DLG2: variants seen among roughly 807,000 people sequenced by gnomAD.
DLG2 encodes disks large homolog 2.
A neutral mutation model predicts 132.5 loss-of-function variants in DLG2; 45 were observed. The ratio of observed to expected loss-of-function variants is 0.34; its 90% CI spans 0.27 to 0.44. The LOEUF (loss-of-function observed/expected upper bound fraction) is 0.44, where lower values mean the gene tolerates loss of function less well. Ranked by LOEUF, DLG2 falls within the 20% of genes least tolerant of loss-of-function variation. The pLI, the probability that DLG2 is intolerant of heterozygous loss-of-function variation, is 1.00. For synonymous variants in DLG2, 424 were observed against 419.6 expected, an observed-to-expected ratio of 1.01 and a Z score of -0.13; for missense variants, 1,045 against 1,196.9, an observed-to-expected ratio of 0.87 and a Z score of 1.87.
intron 7 of DLG2, among the ~76,000 whole-genome samples, chr11:84,315,091 G>A (rs565950266): frequency 6.6e-6 from 1 of 152,246 alleles, no homozygotes; most frequent in Middle Eastern, 3.4e-3. Flanking sequence ...AGAATAAGGA[G>A]AGATGGTGGC....
In DLG2 at chr11:84,805,328, G is replaced by A. The variant is rs116872241; in HGVS notation, c.358-270597C>T. Among the ~76,000 whole-genome samples the A allele has an allele frequency of 4.1e-3, 619 of 152,064 alleles. 12 individuals are homozygous for A. Among genetic ancestry groups the A allele is most frequent in the Admixed American group, 0.034 (523 of 15,270 alleles). ...TCCTCCCTTTCTCCTGCCCCAAAAT[G>A]TACAGAATTACATAGAAAATCAGTC... On this transcript the variant is annotated intron_variant, in intron 6 of 27. Transcript: ENST00000376104.
intron 6 of DLG2, among the ~76,000 whole-genome samples, chr11:84,985,863 G>T (rs1476082384): frequency 6.6e-6 from 1 of 151,572 alleles, no homozygotes; most frequent in Non-Finnish European, 1.5e-5. Flanking sequence ...ATGATGGCGG[G>T]TGCCTGTAAC....
chr11:84,359,731 G>A (rs2098638572), intron 7 of DLG2, among the ~76,000 whole-genome samples: 2 of 151,382 alleles, frequency 1.3e-5, no homozygotes, highest in Admixed American at 6.6e-5. Flanking sequence ...GGGATAAAAT[G>A]TCATCCTTTC....
At chr11:85,350,708 C>A (rs1475192405) in intron 3 of DLG2, among the ~76,000 whole-genome samples, 1 of 152,168 alleles carries the variant, frequency 6.6e-6, no homozygotes, top group African/African-American at 2.4e-5. Context: ...TGTCAAAGAT[C>A]AGATGGTTGT....
chr11:84,681,699 C>T (rs1354035691), intron 6 of DLG2, among the ~76,000 whole-genome samples: 5 of 152,056 alleles, frequency 3.3e-5, no homozygotes, highest in African/African-American at 7.2e-5. Context: ...CACTCCATTT[C>T]ACTGTCTTGA....
At chr11:83,573,961 C>T (rs1033148338) in intron 19 of DLG2, among the ~76,000 whole-genome samples, 1 of 152,108 alleles carries the variant, frequency 6.6e-6, no homozygotes, top group African/African-American at 2.4e-5. Context: ...ACTTTTGAGT[C>T]TCATGTTTTT....
intron 19 of DLG2, among the ~76,000 whole-genome samples, chr11:83,594,780 C>T (rs1565970379): frequency 2.0e-5 from 3 of 152,116 alleles, no homozygotes; most frequent in Admixed American, 1.3e-4. Context: ...AATACTTGGT[C>T]TTGGAAGGTT....
At chr11:85,417,720 G>A (rs2089981262) in intron 3 of DLG2, among the ~76,000 whole-genome samples, 1 of 152,108 alleles carries the variant, frequency 6.6e-6, no homozygotes, top group South Asian at 2.1e-4. Flanking sequence ...AGATTTTCTA[G>A]TTTATTTGCA....
In DLG2 at chr11:83,703,602, T is replaced by C. The variant is rs148453871; in HGVS notation, c.1826-70277A>G. ...AGGCAGAGGTTGCAGTGAGCCGAGA[T>C]AGCACCACTGCACTCCAGCCTGGGC... On this transcript the variant is annotated intron_variant, in intron 18 of 27. Coordinates refer to ENST00000376104, the MANE Select transcript of DLG2 (RefSeq NM_001142699.3). Among the ~76,000 whole-genome samples the C allele has an allele frequency of 9.6e-3, 1,463 of 152,264 alleles. 26 individuals carry two copies. Among genetic ancestry groups the C allele is most frequent in the African/African-American group, 0.032 (1,339 of 41,552 alleles).
At chr11:84,495,636 G>A (rs1446038651) in intron 7 of DLG2, among the ~76,000 whole-genome samples, 1 of 152,018 alleles carries the variant, frequency 6.6e-6, no homozygotes, top group Non-Finnish European at 1.5e-5. Context: ...GAAAACTCTG[G>A]TTGCCCTCAA....
intron 11 of DLG2, among the ~76,000 whole-genome samples, chr11:83,995,146 A>T (rs2093957524): frequency 2.0e-5 from 3 of 152,144 alleles, no homozygotes; most frequent in Admixed American, 2.0e-4. Context: ...AATTCAACTC[A>T]TAATACTGGA....
At chr11:83,949,950 T>C (rs1232430108) in intron 14 of DLG2, among the ~76,000 whole-genome samples, 2 of 152,200 alleles carry the variant, frequency 1.3e-5, no homozygotes, top group African/African-American at 4.8e-5. Context: ...AAGTTATAAT[T>C]TGGAGACTAG....
intron 6 of DLG2, among the ~76,000 whole-genome samples, chr11:84,848,121 AT>A (rs2081722259): frequency 6.6e-6 from 1 of 152,174 alleles, no homozygotes; most frequent in Non-Finnish European, 1.5e-5. Flanking sequence ...GAGCACAACT[AT>A]TCTCTAATCA....
chr11:85,565,993 A>G (rs2077506431), intron 3 of DLG2, among the ~76,000 whole-genome samples: 1 of 152,068 alleles, frequency 6.6e-6, no homozygotes, highest in Non-Finnish European at 1.5e-5. Flanking sequence ...TCCAATTTTT[A>G]CCATGCCTGC....
intron 6 of DLG2, among the ~76,000 whole-genome samples, chr11:84,820,563 C>G (rs1227643324): frequency 1.3e-5 from 2 of 151,794 alleles, no homozygotes; most frequent in Non-Finnish European, 2.9e-5. Context: ...AAATTTTTCC[C>G]TTGATGAAAT....
At chr11:85,134,120 C>T (rs1462978345) in intron 5 of DLG2, among the ~76,000 whole-genome samples, 2 of 151,952 alleles carry the variant, frequency 1.3e-5, no homozygotes, top group African/African-American at 2.4e-5. Context: ...ATCAATGATT[C>T]GCTTTCACTA....
At chr11:84,795,911 G>C (rs2074529863) in intron 6 of DLG2, among the ~76,000 whole-genome samples, 1 of 152,160 alleles carries the variant, frequency 6.6e-6, no homozygotes, top group South Asian at 2.1e-4. Context: ...GACACCTGGA[G>C]CTGCCCTCCC....
At chr11:83,608,518 G>C (rs987448130) in intron 19 of DLG2, among the ~76,000 whole-genome samples, 1 of 152,076 alleles carries the variant, frequency 6.6e-6, no homozygotes, top group Non-Finnish European at 1.5e-5. Flanking sequence ...CCTGTAAAAT[G>C]TTGATTATCT....
chr11:83,680,997 G>C (rs1358395230), intron 18 of DLG2, among the ~76,000 whole-genome samples: 1 of 152,100 alleles, frequency 6.6e-6, no homozygotes, highest in Non-Finnish European at 1.5e-5. Flanking sequence ...TTACAATAGT[G>C]TACAGGTAAA....
Sources: gnomAD v4.1 joint callset for allele counts (sites outside exome capture counted in the v4.1 genomes callset) on GRCh38, gnomAD v4.1.1 for gene constraint, MANE v1.5 for transcripts, NCBI Gene and HGNC (gene_info 2026-07-23, HGNC 2026-07-21) for gene names.